Variants in UBE2F observed in about 807,000 individuals in gnomAD.
The protein encoded by UBE2F is ubiquitin conjugating enzyme E2 F (putative), also known as NEDD8-conjugating enzyme UBE2F.
UBE2F carries 5 observed loss-of-function variants against 29.6 expected under a neutral mutation model. That is an observed-to-expected ratio of 0.17 (90% CI 0.09 to 0.36). The LOEUF is 0.36. UBE2F is among the 10% of genes least tolerant of loss of function. UBE2F has a pLI of 1.00. For synonymous variants in UBE2F, 66 were observed against 81.8 expected, an observed-to-expected ratio of 0.81 and a Z score of 1.04; for missense variants, 141 against 228.5, an observed-to-expected ratio of 0.62 and a Z score of 2.47.
At chr2:237,989,341 A>C (rs1365306363) in intron 3 of UBE2F, among the ~76,000 whole-genome samples, 1 of 152,034 alleles carries the variant, frequency 6.6e-6, no homozygotes, top group Non-Finnish European at 1.5e-5. Context: ...GTAAGTATGT[A>C]ATGTTTCTTA....
At chr2:238,014,062 C>T (rs577935461) in intron 4 of UBE2F, among the ~76,000 whole-genome samples, 2 of 152,288 alleles carry the variant, frequency 1.3e-5, no homozygotes, top group South Asian at 4.1e-4. Flanking sequence ...GAACCGTCTC[C>T]GCCTTGGGCC....
At position 237,967,150 on chromosome 2, in the gene UBE2F, G is replaced by A. The variant is rs1485313875; in HGVS notation, c.-17+18G>A. The A allele has an allele frequency of 1.6e-6, 2 of 1,216,692 alleles. No individual in the cohort carries two copies. Among genetic ancestry groups the A allele is most frequent in the Non-Finnish European group, 2.0e-6 (2 of 976,812 alleles). The allele number at this position is 1,216,692 out of a possible 1,614,324, so 75.4% of individuals were successfully genotyped here. ...GAGCCCAGGTGAGGAGCGACCGTGCGGCTCTGCGGCGGGGCGAGGTGCGGC... is the reference window on the plus strand; with the variant it reads ...GAGCCCAGGTGAGGAGCGACCGTGCAGCTCTGCGGCGGGGCGAGGTGCGGC... On this transcript the variant is annotated intron_variant, in intron 1 of 9. Coordinates refer to ENST00000272930, the MANE Select transcript of UBE2F (RefSeq NM_080678.3). This position sits in a 1 kb window ranked among gnomAD's most constrained non-coding sequence, Gnocchi z 6.3.
chr2:238,027,968 T>C (rs573270171), intron 6 of UBE2F, among the ~76,000 whole-genome samples: 1 of 152,328 alleles, frequency 6.6e-6, no homozygotes, highest in East Asian at 1.9e-4. Flanking sequence ...GTCTGTGGGA[T>C]TGGAGGGCCT....
chr2:238,008,979 A>G (rs185486781), intron 4 of UBE2F, among the ~76,000 whole-genome samples: 2 of 152,060 alleles, frequency 1.3e-5, no homozygotes, highest in Admixed American at 1.3e-4. Flanking sequence ...TGTAGTGCAG[A>G]TTTGCTTGTG....
chr2:238,000,634 G>A (rs913859462), intron 4 of UBE2F, among the ~76,000 whole-genome samples: 1 of 152,176 alleles, frequency 6.6e-6, no homozygotes, highest in Non-Finnish European at 1.5e-5. Flanking sequence ...TTTATGTGCA[G>A]GTCTTCATTT....
At chr2:237,971,124 A>G (rs1336940401) in intron 1 of UBE2F, among the ~76,000 whole-genome samples, 1 of 152,246 alleles carries the variant, frequency 6.6e-6, no homozygotes, top group Non-Finnish European at 1.5e-5. Flanking sequence ...AAATGGTTTC[A>G]AATGCCAATG....
At chr2:238,016,449 C>A in intron 4 of UBE2F, 117 bp from the exon 5 acceptor site, 1 of 826,148 alleles carries the variant, frequency 1.2e-6, no homozygotes, top group African/African-American at 1.7e-5. Flanking sequence ...CTCTGCAGGC[C>A]TGTTTTTAAA....
At chr2:238,026,543 C>G (rs1325673543) in intron 6 of UBE2F, among the ~76,000 whole-genome samples, 1 of 152,148 alleles carries the variant, frequency 6.6e-6, no homozygotes, top group Non-Finnish European at 1.5e-5. Context: ...ACGCCATTCT[C>G]CTGCCTCAGC....
chr2:237,998,589 C>T (rs922136136), intron 4 of UBE2F, among the ~76,000 whole-genome samples: 4 of 148,396 alleles, frequency 2.7e-5, no homozygotes, highest in African/African-American at 7.4e-5. Context: ...AAACCAAAAG[C>T]TATGAGGTTT....
At chr2:238,008,587 A>G (rs1203603511) in intron 4 of UBE2F, among the ~76,000 whole-genome samples, 1 of 151,990 alleles carries the variant, frequency 6.6e-6, no homozygotes, top group Non-Finnish European at 1.5e-5. Flanking sequence ...AAGATTGTCA[A>G]TTTTTTGACC....
chr2:237,995,487 A>T (rs1422007556), intron 4 of UBE2F, among the ~76,000 whole-genome samples: 1 of 152,194 alleles, frequency 6.6e-6, no homozygotes, highest in Non-Finnish European at 1.5e-5. Flanking sequence ...GTGGGTGGCA[A>T]CCGGTCGATG....
At position 237,973,162 on chromosome 2, in the gene UBE2F, A is replaced by C. The variant is rs1414428798; in HGVS notation, c.55A>C (p.Thr19Pro). The change falls in exon 2 of 10, where the codon ACG becomes CCG. Residue 19 changes from threonine (T) to proline (P), a missense_variant. Thr to Pro is a conservative substitution (Grantham distance 38). Transcript: ENST00000272930. ...KRDDGLKGSR[T>P]AATASDSTRR... ...TGACGATGGTCTCAAAGGGTCCCGGACGGCAGCCACAGCGTCCGACTCGAC... is the reference window on the plus strand; with the variant it reads ...TGACGATGGTCTCAAAGGGTCCCGGCCGGCAGCCACAGCGTCCGACTCGAC... 4 of 1,614,102 alleles carry C rather than the reference A, an allele frequency of 2.5e-6. No homozygotes were observed. The highest frequency in any genetic ancestry group is 3.3e-5 in the Admixed American group (2 of 60,026).
At chr2:238,037,479 G>A (rs375400579) in intron 9 of UBE2F, among the ~76,000 whole-genome samples, 9 of 152,384 alleles carry the variant, frequency 5.9e-5, no homozygotes, top group Middle Eastern at 3.4e-3. Context: ...GGCTGGCGTC[G>A]AGGTAGCTCA....
chr2:237,968,369 G>T (rs1293342810), intron 1 of UBE2F, among the ~76,000 whole-genome samples: 2 of 152,272 alleles, frequency 1.3e-5, no homozygotes, highest in East Asian at 3.9e-4. Flanking sequence ...GTCAACCAGC[G>T]TACTCCTGTG....
chr2:237,973,001 C>G, intron 1 of UBE2F, 91 bp from the exon 2 acceptor site: 1 of 1,397,992 alleles, frequency 7.2e-7, no homozygotes. Flanking sequence ...GGGAAAAAAT[C>G]AAAATACAAA....
In UBE2F at chr2:237,982,259, G is replaced by A. The variant is rs944813800; in HGVS notation, c.119-5704G>A. Among the ~76,000 whole-genome samples the A allele has an allele frequency of 3.9e-5, 6 of 151,970 alleles. No individual in the cohort carries two copies. The highest frequency in any genetic ancestry group is 1.5e-4 in the African/African-American group (6 of 41,354). ...CTTTGCTGGCCCCTGAGTGCCTCTTGCTCCCGCACCCCTATCCCCGTAGGA... is the reference window on the plus strand; with the variant it reads ...CTTTGCTGGCCCCTGAGTGCCTCTTACTCCCGCACCCCTATCCCCGTAGGA... On this transcript the variant is annotated intron_variant, in intron 2 of 9. Transcript: ENST00000272930. This position sits in a 1 kb window ranked among gnomAD's most constrained non-coding sequence, Gnocchi z 4.1.
intron 4 of UBE2F, among the ~76,000 whole-genome samples, chr2:238,015,844 C>G (rs1032170457): frequency 2.6e-5 from 4 of 152,136 alleles, no homozygotes; most frequent in African/African-American, 9.7e-5. Flanking sequence ...CCAGCAGCCA[C>G]TTAGTGACCC....
intron 2 of UBE2F, among the ~76,000 whole-genome samples, chr2:237,977,137 T>C (rs1285308734): frequency 6.6e-6 from 1 of 151,892 alleles, no homozygotes; most frequent in Middle Eastern, 3.2e-3. Context: ...CCCCTCCAGC[T>C]CCAAGGAAGG....
At chr2:238,011,289 C>T (rs1237685856) in intron 4 of UBE2F, among the ~76,000 whole-genome samples, 3 of 152,206 alleles carry the variant, frequency 2.0e-5, no homozygotes, top group East Asian at 1.9e-4. Flanking sequence ...GCAGGGTTCA[C>T]GGAACATACT....
Sources: allele counts gnomAD v4.1 joint callset (sites outside exome capture counted in the v4.1 genomes callset), GRCh38; gene constraint gnomAD v4.1.1; non-coding constraint Gnocchi (gnomAD v3.1); transcripts MANE v1.5; gene names NCBI Gene and HGNC (gene_info 2026-07-23, HGNC 2026-07-21).